SORCS1: variants seen among roughly 807,000 people sequenced by gnomAD.
SORCS1 encodes sortilin related VPS10 domain containing receptor 1.
Under a neutral mutation model 146.1 loss-of-function variants are expected in SORCS1, and 60 were observed. That is an observed-to-expected ratio of 0.41 (90% CI 0.33 to 0.51). SORCS1 has a LOEUF of 0.51. Ranked by LOEUF, SORCS1 falls within the 20% of genes least tolerant of loss-of-function variation. The pLI is 0.21. For synonymous variants in SORCS1, 637 were observed against 584.0 expected (o/e 1.09, Z -1.31); for missense variants, 1,352 against 1,487.6 (o/e 0.91, Z 1.50).
At chr10:106,768,791 T>TTC (rs1172501299) in intron 4 of SORCS1, among the ~76,000 whole-genome samples, 4 of 152,198 alleles carry the variant, frequency 2.6e-5, no homozygotes, top group Non-Finnish European at 5.9e-5. Flanking sequence ...CAGGGGTGCT[T>TTC]TCTTTCAGGT....
At chr10:107,010,107 G>GC (rs1228175719) in intron 1 of SORCS1, among the ~76,000 whole-genome samples, 3 of 152,176 alleles carry the variant, frequency 2.0e-5, no homozygotes, top group Non-Finnish European at 4.4e-5. Flanking sequence ...ATTAGTAACA[G>GC]TCATCCACAA....
chr10:107,133,951 T>C (rs1028940156), intron 1 of SORCS1, among the ~76,000 whole-genome samples: 3 of 152,322 alleles, frequency 2.0e-5, no homozygotes, highest in East Asian at 1.9e-4. Context: ...AGAAAACATA[T>C]GCAGAACTAC....
intron 21 of SORCS1, among the ~76,000 whole-genome samples, chr10:106,612,272 T>C (rs1296546942): frequency 6.6e-6 from 1 of 151,790 alleles, no homozygotes; most frequent in Non-Finnish European, 1.5e-5. Flanking sequence ...AGCTCCCCTG[T>C]ATAGAGACAG....
At chr10:106,770,109 T>TA (rs1554927995) in intron 4 of SORCS1, among the ~76,000 whole-genome samples, 3 of 152,072 alleles carry the variant, frequency 2.0e-5, no homozygotes, top group Non-Finnish European at 1.5e-5. Context: ...AAGAAAAAAT[T>TA]AGATTTTCCA....
intron 1 of SORCS1, among the ~76,000 whole-genome samples, chr10:107,156,246 G>T (rs965573438): frequency 2.6e-5 from 4 of 152,112 alleles, no homozygotes; most frequent in African/African-American, 7.2e-5. Flanking sequence ...CCCATACAAA[G>T]CATGATTTAT....
At chr10:106,592,676 TC>T (rs1845671614) in intron 24 of SORCS1, among the ~76,000 whole-genome samples, 2 of 152,140 alleles carry the variant, frequency 1.3e-5, no homozygotes, top group Admixed American at 1.3e-4. Flanking sequence ...CTTTTTTTTT[TC>T]TTTTAATTTT....
chr10:107,116,803 C>T (rs1385138007), intron 1 of SORCS1, among the ~76,000 whole-genome samples: 1 of 152,032 alleles, frequency 6.6e-6, no homozygotes, highest in Non-Finnish European at 1.5e-5. Context: ...CAAATAATCA[C>T]GTTGTACACA....
Position 106,956,341 on chromosome 10 carries a change from C to T in SORCS1, c.626+172G>A, listed in dbSNP as rs542858867. Among the ~76,000 whole-genome samples the T allele has an allele frequency of 9.3e-4, 141 of 152,252 alleles. 1 individual carries two copies. The highest frequency in any genetic ancestry group is 3.3e-3 in the African/African-American group (139 of 41,536). ...GTCTATAAAGAAAGTAAAGCTCTGG[C>T]CTGCCTGGAGATAAAGCCCAGCGCA... On this transcript the variant is annotated intron_variant, in intron 2 of 25. Transcript: ENST00000263054.
At chr10:106,879,844 C>A (rs570478296) in intron 2 of SORCS1, among the ~76,000 whole-genome samples, 15 of 152,270 alleles carry the variant, frequency 9.9e-5, no homozygotes, top group African/African-American at 2.6e-4. Context: ...AGAATGCCTC[C>A]CCAGAGCCCC....
At chr10:107,091,257 C>T (rs1374505926) in intron 1 of SORCS1, among the ~76,000 whole-genome samples, 4 of 152,212 alleles carry the variant, frequency 2.6e-5, no homozygotes, top group Non-Finnish European at 4.4e-5. Context: ...CTGATAAATC[C>T]CATAATCCTC....
At chr10:106,673,215 C>T (rs1010842544) in intron 14 of SORCS1, among the ~76,000 whole-genome samples, 17 of 151,572 alleles carry the variant, frequency 1.1e-4, no homozygotes, top group Non-Finnish European at 1.5e-4. Context: ...CACTACAACC[C>T]CTGACTCCCT....
intron 1 of SORCS1, among the ~76,000 whole-genome samples, chr10:106,987,907 C>A (rs1283048974): frequency 3.9e-5 from 6 of 151,952 alleles, no homozygotes. Context: ...GAAGATTTTT[C>A]TTTTCTTTTC....
chr10:106,829,702 A>G (rs1386359596), intron 2 of SORCS1, 29 bp from the exon 3 acceptor site: 1 of 1,546,360 alleles, frequency 6.5e-7, no homozygotes, highest in East Asian at 2.3e-5. Context: ...ATTAATGAGG[A>G]CAGAAGTATA....
At position 107,151,691 on chromosome 10, in the gene SORCS1, C is replaced by A. The variant is rs191489502; in HGVS notation, c.558+12278G>T. Among the ~76,000 whole-genome samples the A allele has an allele frequency of 2.9e-3, 449 of 152,240 alleles. 3 individuals carry two copies. Among genetic ancestry groups the A allele is most frequent in the African/African-American group, 0.01 (431 of 41,538 alleles). Reference sequence around the variant, plus strand: ...AGTGGAGATTTGGGTGGAGACACAGCCAAACCATATCATTCTTGCTATGCA... The same window carrying A: ...AGTGGAGATTTGGGTGGAGACACAGACAAACCATATCATTCTTGCTATGCA... On this transcript the variant is annotated intron_variant, in intron 1 of 25. Transcript: ENST00000263054.
intron 2 of SORCS1, among the ~76,000 whole-genome samples, chr10:106,890,484 A>G (rs937349769): frequency 2.6e-5 from 4 of 152,194 alleles, no homozygotes; most frequent in Non-Finnish European, 5.9e-5. Flanking sequence ...ACAAAGGTCT[A>G]TATAATTAAA....
intron 2 of SORCS1, among the ~76,000 whole-genome samples, chr10:106,869,016 C>T (rs529609298): frequency 2.0e-5 from 3 of 152,028 alleles, no homozygotes; most frequent in South Asian, 4.2e-4. Flanking sequence ...GGTGCTACCA[C>T]CGACCCCACA....
intron 1 of SORCS1, among the ~76,000 whole-genome samples, chr10:107,059,879 TAAAA>T (rs34340304): frequency 1.6e-4 from 23 of 148,248 alleles, no homozygotes; most frequent in Admixed American, 4.7e-4. Flanking sequence ...AAAAGTAGAT[TAAAA>T]AAAAAAACCC....
chr10:107,033,558 T>C (rs1185922622), intron 1 of SORCS1, among the ~76,000 whole-genome samples: 2 of 152,180 alleles, frequency 1.3e-5, no homozygotes, highest in African/African-American at 2.4e-5. Flanking sequence ...CAGAAACATA[T>C]TCATCTAAAA....
At chr10:106,763,269 C>T (rs1220777792) in intron 4 of SORCS1, among the ~76,000 whole-genome samples, 1 of 152,112 alleles carries the variant, frequency 6.6e-6, no homozygotes, top group Admixed American at 6.5e-5. Flanking sequence ...GAATTCATCT[C>T]TGTGAGGAAT....
Sources: allele counts gnomAD v4.1 joint callset (sites outside exome capture counted in the v4.1 genomes callset), GRCh38; gene constraint gnomAD v4.1.1; transcripts MANE v1.5; gene names NCBI Gene and HGNC (gene_info 2026-07-23, HGNC 2026-07-21).